Variants in SNTG1 observed in about 807,000 individuals in gnomAD.
SNTG1 encodes syntrophin gamma 1.
In SNTG1, 39 loss-of-function variants were observed where a neutral mutation model predicts 74.7. The observed-to-expected ratio is 0.52, with a 90% CI of 0.40 to 0.68. SNTG1 has a LOEUF of 0.68. Among genes scored for constraint, SNTG1 ranks in the 30% least tolerant of loss-of-function variants. SNTG1 has a pLI of 0.00. For synonymous variants in SNTG1, 254 were observed against 217.1 expected, an observed-to-expected ratio of 1.17 and a Z score of -1.49; for missense variants, 685 against 609.5, an observed-to-expected ratio of 1.12 and a Z score of -1.30.
At chr8:50,036,321 G>A (rs1172833097) in intron 1 of SNTG1, among the ~76,000 whole-genome samples, 8 of 152,076 alleles carry the variant, frequency 5.3e-5, no homozygotes. Flanking sequence ...GTTCTTTAAT[G>A]TACTGTGCCC....
chr8:50,366,809 T>C (rs1335249733), intron 2 of SNTG1, among the ~76,000 whole-genome samples: 2 of 144,804 alleles, frequency 1.4e-5, no homozygotes, highest in African/African-American at 5.0e-5. Context: ...TAATAAAATA[T>C]ATTATATATA....
chr8:50,714,830 T>G (rs918722872), intron 17 of SNTG1, among the ~76,000 whole-genome samples: 2 of 151,916 alleles, frequency 1.3e-5, no homozygotes, highest in African/African-American at 4.8e-5. Flanking sequence ...CTAGCTGAGG[T>G]ACAGCTTGCA....
intron 11 of SNTG1, among the ~76,000 whole-genome samples, chr8:50,544,862 A>G (rs1240937337): frequency 6.6e-6 from 1 of 152,062 alleles, no homozygotes; most frequent in Non-Finnish European, 1.5e-5. Flanking sequence ...GACTAGTAGT[A>G]GTAGATTCAG....
intron 1 of SNTG1, among the ~76,000 whole-genome samples, chr8:49,927,756 C>A (rs553895108): frequency 6.6e-6 from 1 of 151,884 alleles, no homozygotes; most frequent in Non-Finnish European, 1.5e-5. Context: ...TAATAGTGGA[C>A]AAAAGTCATT....
intron 1 of SNTG1, among the ~76,000 whole-genome samples, chr8:50,034,682 A>G (rs1001674357): frequency 6.6e-6 from 1 of 152,158 alleles, no homozygotes; most frequent in South Asian, 2.1e-4. Context: ...TGGGCCACAC[A>G]TAAAATACAC....
intron 17 of SNTG1, among the ~76,000 whole-genome samples, chr8:50,738,016 T>A (rs1383714934): frequency 6.6e-6 from 1 of 152,074 alleles, no homozygotes; most frequent in Non-Finnish European, 1.5e-5. Context: ...GGATGCCATC[T>A]CTCACCACTC....
At chr8:50,203,550 T>A (rs1042208707) in intron 2 of SNTG1, among the ~76,000 whole-genome samples, 1 of 152,174 alleles carries the variant, frequency 6.6e-6, no homozygotes, top group African/African-American at 2.4e-5. Flanking sequence ...GTATTTTTTT[T>A]AATAGCAGCA....
At chr8:50,394,327 G>C (rs1219761659) in intron 3 of SNTG1, 62 bp downstream of exon 3, 3 of 1,543,582 alleles carry the variant, frequency 1.9e-6, no homozygotes, top group Non-Finnish European at 2.7e-6. Flanking sequence ...GAAACACTTG[G>C]CTCCAATTTA....
rs1414550086 is a variant in SNTG1, at chr8:50,364,208, C to A, written c.-27-30004C>A. Among the ~76,000 whole-genome samples, 9 of 152,268 alleles carry A rather than the reference C, an allele frequency of 5.9e-5. No homozygotes were observed. The East Asian group carries it at 1.7e-3, about 29-fold the overall frequency. ...AGTTCCAGTCCCTTAATCCATAGTT[C>A]CCCTGGCAAGCCACACCCGCTGCTT... is the stretch of plus-strand genomic sequence containing the variant. On this transcript the variant is annotated intron_variant, in intron 2 of 18. Coordinates refer to ENST00000642720, the MANE Select transcript of SNTG1 (RefSeq NM_018967.5).
chr8:50,761,902 A>G (rs753653174), intron 18 of SNTG1, among the ~76,000 whole-genome samples: 8 of 152,012 alleles, frequency 5.3e-5, no homozygotes, highest in Non-Finnish European at 1.5e-5. Flanking sequence ...GAAGTGTTAA[A>G]TAATCTTTGA....
chr8:50,647,462 A>G (rs928092294), intron 13 of SNTG1, among the ~76,000 whole-genome samples: 1 of 151,944 alleles, frequency 6.6e-6, no homozygotes, highest in African/African-American at 2.4e-5. Flanking sequence ...ATATATATGT[A>G]TACACACACA....
At chr8:50,173,065 A>G (rs1226498301) in intron 2 of SNTG1, among the ~76,000 whole-genome samples, 1 of 149,798 alleles carries the variant, frequency 6.7e-6, no homozygotes, top group Admixed American at 6.7e-5. Flanking sequence ...AGAAGGGCAG[A>G]CACTCAACAA....
At chr8:50,403,456 T>A (rs972308136) in intron 4 of SNTG1, among the ~76,000 whole-genome samples, 3 of 152,208 alleles carry the variant, frequency 2.0e-5, no homozygotes, top group Non-Finnish European at 2.9e-5. Context: ...CATGGGGTTG[T>A]CCTTTCTTCC....
intron 8 of SNTG1, among the ~76,000 whole-genome samples, chr8:50,496,409 GCAGTGCCCT>G (rs1296321394): frequency 6.6e-6 from 1 of 152,176 alleles, no homozygotes; most frequent in Admixed American, 6.5e-5. Flanking sequence ...AGACAAAGCA[GCAGTGCCCT>G]CTTTTTATCA....
intron 2 of SNTG1, among the ~76,000 whole-genome samples, chr8:50,310,746 A>G (rs1261866379): frequency 2.0e-5 from 3 of 152,148 alleles, no homozygotes; most frequent in Admixed American, 6.5e-5. Flanking sequence ...TTTGAAAGTG[A>G]GTCTGTGAAG....
chr8:50,609,843 T>C (rs2094837791), intron 13 of SNTG1, among the ~76,000 whole-genome samples: 1 of 152,134 alleles, frequency 6.6e-6, no homozygotes, highest in African/African-American at 2.4e-5. Context: ...TTCTTATTTT[T>C]AAATTTCTGT....
chr8:50,146,085 C>T (rs919709619), intron 1 of SNTG1, among the ~76,000 whole-genome samples: 1 of 151,900 alleles, frequency 6.6e-6, no homozygotes, highest in Non-Finnish European at 1.5e-5. Context: ...AAATAAAATG[C>T]CTATACTTAA....
chr8:50,583,039 C>G (rs1286733717), intron 12 of SNTG1, among the ~76,000 whole-genome samples: 1 of 151,958 alleles, frequency 6.6e-6, no homozygotes, highest in East Asian at 1.9e-4. Flanking sequence ...AAAATAAGAA[C>G]TTAACACTAC....
chr8:49,965,347 A>G (rs984872369), intron 1 of SNTG1, among the ~76,000 whole-genome samples: 1 of 152,166 alleles, frequency 6.6e-6, no homozygotes, highest in African/African-American at 2.4e-5. Flanking sequence ...GAGTTTCTTT[A>G]TGAACTTCTG....
Sources: allele counts gnomAD v4.1 joint callset (sites outside exome capture counted in the v4.1 genomes callset), GRCh38; gene constraint gnomAD v4.1.1; transcripts MANE v1.5; gene names NCBI Gene and HGNC (gene_info 2026-07-23, HGNC 2026-07-21).